Variants in GFRA2 observed in about 807,000 individuals in gnomAD.
GFRA2 encodes the protein GDNF family receptor alpha-2.
In GFRA2, 17 loss-of-function variants were observed where a neutral mutation model predicts 48.3. The observed-to-expected ratio is 0.35, with a 90% CI of 0.24 to 0.53. GFRA2 has a LOEUF of 0.53. Ranked by LOEUF, GFRA2 falls within the 20% of genes least tolerant of loss-of-function variation. The probability of loss-of-function intolerance (pLI) is 0.93; values close to 1 mark genes in which losing one functional copy is unlikely to be tolerated. For missense variants in GFRA2, 660 were observed against 637.3 expected, an observed-to-expected ratio of 1.04 and a Z score of -0.38; for synonymous variants, 305 against 257.2, an observed-to-expected ratio of 1.19 and a Z score of -1.78.
chr8:21,763,735 C>A (rs36196656), intron 3 of GFRA2, among the ~76,000 whole-genome samples: 74,356 of 151,162 alleles, frequency 0.49, 20,368 homozygotes, highest in African/African-American at 0.74. Flanking sequence ...ACCCTGACCC[C>A]CTGACCCAAA....
At chr8:21,713,015 C>T (rs181130324) in intron 4 of GFRA2, among the ~76,000 whole-genome samples, 6 of 117,922 alleles carry the variant, frequency 5.1e-5, no homozygotes, top group African/African-American at 1.3e-4. Context: ...GAGAGGGAGA[C>T]GAGGGAGAGG....
At chr8:21,805,526 C>T (rs528043876) in intron 1 of GFRA2, among the ~76,000 whole-genome samples, 4 of 152,092 alleles carry the variant, frequency 2.6e-5, no homozygotes, top group Admixed American at 1.3e-4. Context: ...AACTAAGGGG[C>T]CTTGGAGTTT....
intron 3 of GFRA2, among the ~76,000 whole-genome samples, chr8:21,757,672 G>T (rs1480144278): frequency 1.3e-5 from 2 of 151,864 alleles, no homozygotes; most frequent in African/African-American, 4.8e-5. Context: ...ATTATTTTTT[G>T]TATTTTTTTT....
At chr8:21,769,571 G>T (rs76781770) in intron 3 of GFRA2, among the ~76,000 whole-genome samples, 12,179 of 152,146 alleles carry the variant, frequency 0.08, 631 homozygotes, top group East Asian at 0.2. Flanking sequence ...GGTAAGGCCA[G>T]GATTCAAAAC....
intron 4 of GFRA2, among the ~76,000 whole-genome samples, chr8:21,739,187 A>T (rs1284830484): frequency 1.3e-5 from 2 of 152,184 alleles, no homozygotes; most frequent in East Asian, 3.9e-4. Context: ...CTCTCCCTCT[A>T]TATGAAGAGC....
At chr8:21,769,906 C>G (rs1806365634) in intron 3 of GFRA2, among the ~76,000 whole-genome samples, 1 of 152,304 alleles carries the variant, frequency 6.6e-6, no homozygotes, top group African/African-American at 2.4e-5. Context: ...ACAGGAGCAT[C>G]CAATGAGAAC....
chr8:21,765,986 C>T (rs1806131799), intron 3 of GFRA2, among the ~76,000 whole-genome samples: 1 of 152,160 alleles, frequency 6.6e-6, no homozygotes, highest in Non-Finnish European at 1.5e-5. Context: ...CTGCTCTGTG[C>T]CCAGCCCCAT....
At chr8:21,734,842 T>G (rs1241685256) in intron 4 of GFRA2, among the ~76,000 whole-genome samples, 1 of 152,224 alleles carries the variant, frequency 6.6e-6, no homozygotes. Flanking sequence ...AAGGAAAATA[T>G]CTTGGCCTCC....
chr8:21,784,187 G>A (rs796469250), intron 1 of GFRA2: 20 of 420,960 alleles, frequency 4.8e-5, no homozygotes, highest in African/African-American at 2.8e-4. Flanking sequence ...GGACAGGCTC[G>A]CCTGATCCTT....
At chr8:21,771,217 A>G (rs1806422664) in intron 3 of GFRA2, among the ~76,000 whole-genome samples, 1 of 152,112 alleles carries the variant, frequency 6.6e-6, no homozygotes, top group Non-Finnish European at 1.5e-5. Context: ...ACACCCCTAA[A>G]AAGCCGAGTC....
At chr8:21,758,257 G>A (rs1417848475) in intron 3 of GFRA2, among the ~76,000 whole-genome samples, 2 of 151,906 alleles carry the variant, frequency 1.3e-5, no homozygotes, top group Admixed American at 6.6e-5. Flanking sequence ...TAGCAAGCCT[G>A]CCCTTCACAG....
At chr8:21,721,654 T>C (rs1803600870) in intron 4 of GFRA2, among the ~76,000 whole-genome samples, 1 of 152,228 alleles carries the variant, frequency 6.6e-6, no homozygotes, top group South Asian at 2.1e-4. Context: ...GCTGTATACC[T>C]GTTTATGATC....
chr8:21,697,597 GCCTCCCTGC>G (rs898181710), intron 7 of GFRA2, among the ~76,000 whole-genome samples: 2 of 152,144 alleles, frequency 1.3e-5, no homozygotes, highest in African/African-American at 4.8e-5. Flanking sequence ...CAAATTCAGT[GCCTCCCTGC>G]CCTCCAGGGG....
chr8:21,755,892 G>A (rs1202115516), intron 3 of GFRA2, among the ~76,000 whole-genome samples: 1 of 152,256 alleles, frequency 6.6e-6, no homozygotes, highest in Non-Finnish European at 1.5e-5. Context: ...AAACCATTCT[G>A]CCCAGGACAG....
chr8:21,806,444 T>C (rs1244632255), intron 1 of GFRA2, among the ~76,000 whole-genome samples: 1 of 152,204 alleles, frequency 6.6e-6, no homozygotes, highest in African/African-American at 2.4e-5. Context: ...GACTAAGCTA[T>C]GATTTTTGGT....
chr8:21,712,421 G>C (rs953314046), intron 4 of GFRA2, among the ~76,000 whole-genome samples: 6 of 151,984 alleles, frequency 3.9e-5, no homozygotes, highest in Non-Finnish European at 5.9e-5. Flanking sequence ...CGGCCGGGCA[G>C]AGACGCTCCT....
chr8:21,741,799 G>A (rs1448003092), intron 4 of GFRA2, among the ~76,000 whole-genome samples: 1 of 152,052 alleles, frequency 6.6e-6, no homozygotes, highest in Non-Finnish European at 1.5e-5. Context: ...GTGCGTACCT[G>A]CAGTCCCAGC....
chr8:21,802,061 A>C (rs947711410), intron 2 of GFRA2, among the ~76,000 whole-genome samples: 5 of 152,270 alleles, frequency 3.3e-5, no homozygotes, highest in African/African-American at 1.2e-4. Flanking sequence ...GGGACTCCTG[A>C]CTGGCAGTTT....
intron 1 of GFRA2, among the ~76,000 whole-genome samples, chr8:21,783,401 G>A (rs1329194184): frequency 6.6e-6 from 1 of 152,092 alleles, no homozygotes; most frequent in African/African-American, 2.4e-5. Flanking sequence ...GTCATTGCCT[G>A]TTAGGACCTT....
Sources: allele counts gnomAD v4.1 joint callset (sites outside exome capture counted in the v4.1 genomes callset), GRCh38; gene constraint gnomAD v4.1.1; transcripts MANE v1.5; gene names NCBI Gene and HGNC (gene_info 2026-07-23, HGNC 2026-07-21).